The following NRXN3 variants were observed in gnomAD, a reference collection of about 807,000 sequenced individuals.
NRXN3 encodes the protein neurexin III.
In NRXN3, 32 loss-of-function variants were observed where a neutral mutation model predicts 137.6. The ratio of observed to expected loss-of-function variants is 0.23; its 90% CI spans 0.18 to 0.31. The LOEUF is 0.31. NRXN3 is among the 10% of genes least tolerant of loss of function. The pLI is 1.00. For missense variants in NRXN3, 1,574 were observed against 2,062.5 expected, an observed-to-expected ratio of 0.76 and a Z score of 4.59; for synonymous variants, 798 against 784.5, an observed-to-expected ratio of 1.02 and a Z score of -0.29.
At chr14:79,307,476 C>G (rs2086293759) in intron 15 of NRXN3, among the ~76,000 whole-genome samples, 1 of 152,074 alleles carries the variant, frequency 6.6e-6, no homozygotes, top group African/African-American at 2.4e-5. Context: ...CAGATTAAAG[C>G]AATAAACACC....
chr14:79,772,004 C>T (rs200191902), intron 19 of NRXN3, among the ~76,000 whole-genome samples: 2 of 126,688 alleles, frequency 1.6e-5, no homozygotes, highest in African/African-American at 5.9e-5. Flanking sequence ...AGAGCCAAAT[C>T]ATGAGTGAAC....
At chr14:79,254,589 C>T (rs984460978) in intron 15 of NRXN3, among the ~76,000 whole-genome samples, 3 of 152,142 alleles carry the variant, frequency 2.0e-5, no homozygotes, top group African/African-American at 4.8e-5. Context: ...GACGAACATG[C>T]GGGCAGGCCA....
chr14:79,454,721 T>C (rs1253109923), intron 15 of NRXN3, among the ~76,000 whole-genome samples: 1 of 152,174 alleles, frequency 6.6e-6, no homozygotes, highest in Non-Finnish European at 1.5e-5. Flanking sequence ...TGATAATCTC[T>C]ATCATATTTA....
intron 15 of NRXN3, among the ~76,000 whole-genome samples, chr14:79,399,988 ATGTGTG>A (rs2095144715): frequency 6.6e-6 from 1 of 152,020 alleles, no homozygotes; most frequent in Non-Finnish European, 1.5e-5. Flanking sequence ...CCCTGTGCAT[ATGTGTG>A]TGTGAGTGCA....
chr14:79,436,466 C>T lies in NRXN3; in HGVS notation c.3263-30755C>T, dbSNP rs75628021. 7.6e-3 allele frequency among the ~76,000 whole-genome samples: 1,159 copies of T among 152,228 alleles called. 7 individuals carry two copies. Among genetic ancestry groups the T allele is most frequent in the Non-Finnish European group, 0.012 (785 of 68,028 alleles). On this transcript the variant is annotated intron_variant, in intron 15 of 20. Transcript: ENST00000335750. ...GATATGTTTTCTAATTATAATCATT[C>T]TTGAGCTGTTTGTAACTATTTCAGA...
At chr14:78,984,002 G>T (rs1187240584) in intron 14 of NRXN3, among the ~76,000 whole-genome samples, 1 of 148,408 alleles carries the variant, frequency 6.7e-6, no homozygotes, top group East Asian at 2.5e-4. Context: ...CTTATATGTG[G>T]AATCTAAGAA....
intron 15 of NRXN3, among the ~76,000 whole-genome samples, chr14:79,418,498 A>C (rs1316042190): frequency 6.6e-6 from 1 of 152,180 alleles, no homozygotes; most frequent in Non-Finnish European, 1.5e-5. Context: ...CTTCTTAGAC[A>C]AGAGAATGAA....
intron 15 of NRXN3, among the ~76,000 whole-genome samples, chr14:79,237,714 G>A (rs2073636993): frequency 6.6e-6 from 1 of 152,120 alleles, no homozygotes; most frequent in South Asian, 2.1e-4. Context: ...ACCCTACCCT[G>A]GAGAAGCTTA....
chr14:79,562,404 T>A (rs1302660339), intron 16 of NRXN3, among the ~76,000 whole-genome samples: 2 of 152,178 alleles, frequency 1.3e-5, no homozygotes, highest in African/African-American at 4.8e-5. Flanking sequence ...TTGCCTTTAT[T>A]ATTGAAATGA....
chr14:78,438,848 G>T (rs980925933), intron 4 of NRXN3, among the ~76,000 whole-genome samples: 1 of 151,936 alleles, frequency 6.6e-6, no homozygotes, highest in African/African-American at 2.4e-5. Flanking sequence ...CAATGAGAGG[G>T]TTGTCAGCAA....
chr14:78,740,540 TTTTC>T (rs1280504149), intron 8 of NRXN3, among the ~76,000 whole-genome samples: 15 of 105,594 alleles, frequency 1.4e-4, no homozygotes, highest in East Asian at 1.1e-3. Flanking sequence ...TTCTCTTTTC[TTTTC>T]TTTTTTTTTT....
In NRXN3 at chr14:78,297,959, C is replaced by T. The variant is rs2076510740; in HGVS notation, c.757+99C>T. 3.6e-6 allele frequency: 5 copies of T among 1,391,182 alleles called. No homozygotes were observed. In the African/African-American group the frequency reaches 5.7e-5, roughly 16 times the overall value. The allele number at this position is 1,391,182 out of a possible 1,614,324, so 86.2% of individuals were successfully genotyped here. ...CTCATCGTCACTGGCAGGCCATTCG[C>T]TGCCTGTCCTTCCTGCGCTGGGCCA... is the stretch of plus-strand genomic sequence containing the variant. On this transcript the variant is annotated intron_variant, in intron 4 of 20. Transcript: ENST00000335750.
intron 5 of NRXN3, among the ~76,000 whole-genome samples, chr14:78,648,249 C>T (rs968423048): frequency 2.6e-5 from 4 of 152,170 alleles, no homozygotes; most frequent in African/African-American, 9.7e-5. Flanking sequence ...CTTGACATTG[C>T]CTGAGTCCAA....
intron 15 of NRXN3, among the ~76,000 whole-genome samples, chr14:79,229,695 C>T (rs1219409297): frequency 6.6e-6 from 1 of 152,128 alleles, no homozygotes; most frequent in Non-Finnish European, 1.5e-5. Context: ...GCCAGGACTG[C>T]TCTCCCAGTG....
chr14:79,390,938 G>A (rs1008033160), intron 15 of NRXN3, among the ~76,000 whole-genome samples: 1 of 152,052 alleles, frequency 6.6e-6, no homozygotes, highest in Admixed American at 6.5e-5. Context: ...TGTTCTAAAA[G>A]GAAGTTCAGC....
intron 19 of NRXN3, among the ~76,000 whole-genome samples, chr14:79,792,412 C>T (rs1048280780): frequency 1.3e-5 from 2 of 152,088 alleles, no homozygotes; most frequent in African/African-American, 4.8e-5. Context: ...GATCTTGATC[C>T]CTAAAAGTTT....
chr14:79,596,207 T>C (rs903009805), intron 16 of NRXN3, among the ~76,000 whole-genome samples: 1 of 152,108 alleles, frequency 6.6e-6, no homozygotes, highest in African/African-American at 2.4e-5. Context: ...AGAGGTGAGC[T>C]GATAGTTGAG....
intron 4 of NRXN3, among the ~76,000 whole-genome samples, chr14:78,613,801 C>T (rs1486178545): frequency 1.3e-5 from 2 of 152,002 alleles, no homozygotes; most frequent in Non-Finnish European, 2.9e-5. Context: ...ATACATAGCT[C>T]AGGAGACCAG....
At chr14:78,329,299 A>G (rs2080494585) in intron 4 of NRXN3, among the ~76,000 whole-genome samples, 1 of 152,178 alleles carries the variant, frequency 6.6e-6, no homozygotes, top group South Asian at 2.1e-4. Context: ...TTTGAGGTTG[A>G]ATCATTCTGC....
Sources: allele counts gnomAD v4.1 joint callset (sites outside exome capture counted in the v4.1 genomes callset), GRCh38; gene constraint gnomAD v4.1.1; transcripts MANE v1.5; gene names NCBI Gene and HGNC (gene_info 2026-07-23, HGNC 2026-07-21).